Variants in FBXO15 observed in about 807,000 individuals in gnomAD.
The protein encoded by FBXO15 is F-box only protein 15.
Under a neutral mutation model 49.5 loss-of-function variants are expected in FBXO15, and 30 were observed. The observed-to-expected ratio is 0.61, with a 90% CI of 0.45 to 0.82. FBXO15 has a LOEUF of 0.82. FBXO15 is among the 40% of genes least tolerant of loss of function. FBXO15 has a pLI of 0.00. For missense variants in FBXO15, 591 were observed against 631.5 expected (o/e 0.94, Z 0.69); for synonymous variants, 250 against 232.7 (o/e 1.07, Z -0.68).
chr18:74,131,508 T>TA (rs1289335063), intron 3 of FBXO15, among the ~76,000 whole-genome samples: 3 of 152,154 alleles, frequency 2.0e-5, no homozygotes, highest in Admixed American at 2.0e-4. Context: ...AGAGAGCCAA[T>TA]AAGCCTCAAT....
intron 8 of FBXO15, among the ~76,000 whole-genome samples, chr18:74,110,181 A>ATATG (rs1913954697): frequency 1.1e-5 from 1 of 94,588 alleles, no homozygotes; most frequent in Non-Finnish European, 1.8e-5. Context: ...ATATATATAT[A>ATATG]CACATATGTG....
Position 74,080,604 on chromosome 18 carries a change from C to T in FBXO15, c.1263+1323G>A, listed in dbSNP as rs561911758. Reference sequence around the variant, plus strand: ...TCATGTAAAGGTCCAATTTTGAAGCCGTATCTTCAGCTTCTCTGAGAACTT... The same window carrying T: ...TCATGTAAAGGTCCAATTTTGAAGCTGTATCTTCAGCTTCTCTGAGAACTT... On this transcript the variant is annotated intron_variant, in intron 9 of 9. Coordinates refer to ENST00000419743, the MANE Select transcript of FBXO15 (RefSeq NM_001142958.2). Among the ~76,000 whole-genome samples, 112 of 152,294 alleles carry T rather than the reference C, an allele frequency of 7.4e-4. 1 individual carries two copies. Among genetic ancestry groups the T allele is most frequent in the Admixed American group, 8.5e-4 (13 of 15,286 alleles).
intron 8 of FBXO15, among the ~76,000 whole-genome samples, chr18:74,100,821 A>C (rs1913483759): frequency 6.6e-6 from 1 of 152,200 alleles, no homozygotes; most frequent in African/African-American, 2.4e-5. Context: ...AGATGGATAA[A>C]TTCCCGGAAA....
Position 74,125,235 on chromosome 18 carries a change from G to C in FBXO15, c.913-664C>G, listed in dbSNP as rs185733946. Among the ~76,000 whole-genome samples, 426 of 152,298 alleles carry C rather than the reference G, an allele frequency of 2.8e-3. 3 individuals are homozygous for C. Among genetic ancestry groups the C allele is most frequent in the African/African-American group, 0.01 (416 of 41,558 alleles). Reference sequence around the variant, plus strand: ...AACCAACAAAGCTGGATGCATGCGAGTCACCGAATGCAGAGCAGGCAAGCT... The same window carrying C: ...AACCAACAAAGCTGGATGCATGCGACTCACCGAATGCAGAGCAGGCAAGCT... On this transcript the variant is annotated intron_variant, in intron 6 of 9. Transcript: ENST00000419743.
chr18:74,080,390 G>T (rs1555675303), intron 9 of FBXO15, among the ~76,000 whole-genome samples: 1 of 152,204 alleles, frequency 6.6e-6, no homozygotes, highest in Non-Finnish European at 1.5e-5. Flanking sequence ...ACAAGCTTTT[G>T]AGCTATCTGC....
intron 8 of FBXO15, among the ~76,000 whole-genome samples, chr18:74,085,864 C>A (rs1190124774): frequency 1.3e-5 from 2 of 152,096 alleles, no homozygotes; most frequent in African/African-American, 4.8e-5. Flanking sequence ...AGAAGAATAT[C>A]TTTATAACCT....
At chr18:74,111,673 G>A (rs1914037247) in intron 8 of FBXO15, among the ~76,000 whole-genome samples, 2 of 151,770 alleles carry the variant, frequency 1.3e-5, no homozygotes, top group Admixed American at 1.3e-4. Context: ...AGAAAAAAAA[G>A]AAATAATAAA....
intron 8 of FBXO15, among the ~76,000 whole-genome samples, chr18:74,091,219 C>CT (rs1785751135): frequency 6.6e-6 from 1 of 152,108 alleles, no homozygotes; most frequent in South Asian, 2.1e-4. Flanking sequence ...GTAACCCCTG[C>CT]TTTTTTTCTC....
At chr18:74,127,568 C>T (rs568027384) in intron 5 of FBXO15, among the ~76,000 whole-genome samples, 13 of 152,164 alleles carry the variant, frequency 8.5e-5, no homozygotes, top group Non-Finnish European at 1.8e-4. Flanking sequence ...CACACAGATG[C>T]GTACAAGGAT....
chr18:74,124,489 A>G lies in FBXO15; in HGVS notation c.995T>C (p.Ile332Thr), dbSNP rs377144978. ...AACACACCCACATATAAATACATACATAGTAGCCGAGCCTAATGTGCTCCT... is the reference window on the plus strand; with the variant it reads ...AACACACCCACATATAAATACATACGTAGTAGCCGAGCCTAATGTGCTCCT... ...VERSTLGSAT[I>T]PYELPPHSPF... is the part of the protein sequence containing the mutation. Residue 332 changes from isoleucine (I) to threonine (T), a missense_variant and splice_region_variant, in exon 7 of 10, where the codon ATC (isoleucine) becomes ACC (threonine). Coordinates refer to ENST00000419743, the MANE Select transcript of FBXO15 (RefSeq NM_001142958.2). 1.2e-6 allele frequency: 2 copies of G among 1,613,378 alleles called. No homozygotes were observed. The highest frequency in any genetic ancestry group is 1.3e-5 in the African/African-American group (1 of 74,936).
intron 8 of FBXO15, among the ~76,000 whole-genome samples, chr18:74,104,059 C>T (rs1002139980): frequency 2.0e-5 from 3 of 152,116 alleles, no homozygotes; most frequent in Admixed American, 6.6e-5. Context: ...ATAACAGCTA[C>T]AGCAACGTGT....
intron 8 of FBXO15, among the ~76,000 whole-genome samples, chr18:74,084,050 C>T (rs531499481): frequency 1.3e-5 from 2 of 152,170 alleles, no homozygotes; most frequent in South Asian, 4.2e-4. Flanking sequence ...TGATCCAAAC[C>T]CTGTTCTGTG....
chr18:74,087,083 A>G (rs903667797), intron 8 of FBXO15, among the ~76,000 whole-genome samples: 1 of 152,248 alleles, frequency 6.6e-6, no homozygotes, highest in Non-Finnish European at 1.5e-5. Flanking sequence ...AATAATGTAC[A>G]TATTTTAATT....
chr18:74,135,933 A>G, intron 2 of FBXO15, 67 bp from the exon 3 acceptor site: 2 of 1,297,838 alleles, frequency 1.5e-6, no homozygotes, highest in Non-Finnish European at 2.2e-6. Context: ...CAGATTACCC[A>G]GAAAACAACT....
intron 8 of FBXO15, among the ~76,000 whole-genome samples, chr18:74,086,434 T>A (rs1334232947): frequency 1.3e-5 from 2 of 152,190 alleles, no homozygotes; most frequent in Non-Finnish European, 2.9e-5. Flanking sequence ...AGCGTTTTGT[T>A]TTGTTTTGTT....
At chr18:74,084,121 A>G (rs1912620122) in intron 8 of FBXO15, among the ~76,000 whole-genome samples, 1 of 152,252 alleles carries the variant, frequency 6.6e-6, no homozygotes, top group South Asian at 2.1e-4. Flanking sequence ...ATTAATTACT[A>G]GCCAATAATT....
At chr18:74,104,527 A>G (rs1295408125) in intron 8 of FBXO15, among the ~76,000 whole-genome samples, 2 of 152,170 alleles carry the variant, frequency 1.3e-5, no homozygotes, top group African/African-American at 2.4e-5. Context: ...TATGCTGCCT[A>G]CAAGAGACCC....
At chr18:74,088,008 C>G (rs1054836621) in intron 8 of FBXO15, among the ~76,000 whole-genome samples, 1 of 152,076 alleles carries the variant, frequency 6.6e-6, no homozygotes, top group Non-Finnish European at 1.5e-5. Flanking sequence ...GCAGCATGTA[C>G]GTCTTCTTTT....
intron 1 of FBXO15, chr18:74,147,458 G>T: frequency 8.4e-7 from 1 of 1,197,344 alleles, no homozygotes. Context: ...ATATTTCCCC[G>T]AGAGGCTACT....
Sources: allele counts gnomAD v4.1 joint callset (sites outside exome capture counted in the v4.1 genomes callset), GRCh38; gene constraint gnomAD v4.1.1; transcripts MANE v1.5; gene names NCBI Gene and HGNC (gene_info 2026-07-23, HGNC 2026-07-21).